The following AFTPH variants were observed in gnomAD, a reference collection of about 807,000 sequenced individuals.
AFTPH encodes the protein aftiphilin.
A neutral mutation model predicts 72.5 loss-of-function variants in AFTPH; 7 were observed. That is an observed-to-expected ratio of 0.10 (90% CI 0.05 to 0.18). The LOEUF (loss-of-function observed/expected upper bound fraction) is 0.18, where lower values mean the gene tolerates loss of function less well. Ranked by LOEUF, AFTPH falls within the 10% of genes least tolerant of loss-of-function variation. The pLI is 1.00. For missense variants in AFTPH, 979 were observed against 1,060.5 expected (o/e 0.92, Z 1.07); for synonymous variants, 337 against 370.1 (o/e 0.91, Z 1.03).
intron 1 of AFTPH, among the ~76,000 whole-genome samples, chr2:64,536,853 TGA>T: frequency 6.8e-6 from 1 of 148,148 alleles, no homozygotes; most frequent in East Asian, 2.0e-4. Flanking sequence ...TTTGGGTGGC[TGA>T]AGTGGGAGGA....
At chr2:64,565,404 G>A (rs1672008000) in intron 2 of AFTPH, among the ~76,000 whole-genome samples, 1 of 149,480 alleles carries the variant, frequency 6.7e-6, no homozygotes, top group South Asian at 2.1e-4. Context: ...GAACCTGGGA[G>A]GCAGAGCTTG....
At chr2:64,571,819 T>C (rs1385819619) in intron 5 of AFTPH, among the ~76,000 whole-genome samples, 1 of 152,240 alleles carries the variant, frequency 6.6e-6, no homozygotes, top group Non-Finnish European at 1.5e-5. Flanking sequence ...TTTTCAGGCC[T>C]AGATTATGGC....
Position 64,545,981 on chromosome 2 carries a change from C to G in AFTPH, c.-32-5462C>G, listed in dbSNP as rs953883703. Among the ~76,000 whole-genome samples, 5 of 152,136 alleles carry G rather than the reference C, an allele frequency of 3.3e-5. No individual in the cohort carries two copies. In the South Asian group the frequency reaches 1.0e-3, roughly 32 times the overall value. On this transcript the variant is annotated intron_variant, in intron 1 of 8. Coordinates refer to ENST00000238856, the Ensembl canonical transcript of AFTPH. ...GATCTCGTCTCACTGCAACCTCTGC[C>G]TCCCGGGTTCAAGCAATTCTCCTGC... is the stretch of plus-strand genomic sequence containing the variant.
exon 4 of AFTPH, chr2:64,569,176 C>T (rs376674777): frequency 1.2e-6 from 2 of 1,613,918 alleles, no homozygotes; most frequent in African/African-American, 2.7e-5. Flanking sequence ...CCCATAGCAA[C>T]AAGAAGCTTT....
chr2:64,558,591 G>A (rs1267434274), intron 2 of AFTPH, among the ~76,000 whole-genome samples: 2 of 152,144 alleles, frequency 1.3e-5, no homozygotes, highest in African/African-American at 2.4e-5. Context: ...AGGGATAAAC[G>A]TTTGCAAAGC....
chr2:64,585,164 A>G (rs982213156), intron 7 of AFTPH, among the ~76,000 whole-genome samples: 1 of 152,250 alleles, frequency 6.6e-6, no homozygotes. Context: ...TTTGGGTAGC[A>G]TCTGCTGCAT....
intron 8 of AFTPH, among the ~76,000 whole-genome samples, chr2:64,591,431 A>G (rs1230383826): frequency 6.6e-6 from 1 of 152,258 alleles, no homozygotes; most frequent in African/African-American, 2.4e-5. Context: ...CCTGAGGTTA[A>G]AATGACTTAG....
Position 64,553,702 on chromosome 2 carries a change from T to TA in AFTPH, c.1935+310dup, listed in dbSNP as rs5831703. Reference sequence around the variant, plus strand: ...TGGTGACTATAAATACCATATATGTTAAAAAAAAAAAAAAAAACCCACACT... The same window carrying TA: ...TGGTGACTATAAATACCATATATGTTAAAAAAAAAAAAAAAAAACCCACACT... On this transcript the variant is annotated intron_variant, in intron 2 of 8. Coordinates refer to ENST00000238856, the Ensembl canonical transcript of AFTPH. Among the ~76,000 whole-genome samples the TA allele has an allele frequency of 8.3e-3, 1,163 of 139,282 alleles. 16 individuals are homozygous for TA. Among genetic ancestry groups the TA allele is most frequent in the African/African-American group, 0.016 (632 of 38,430 alleles). The allele number at this position is 139,282 out of a possible 152,430, so 91.4% of individuals were successfully genotyped here. A position where few individuals can be genotyped will look rare whatever the true frequency, so the allele number is the denominator to read the frequency against.
intron 2 of AFTPH, 131 bp from the exon 3 acceptor site, chr2:64,567,431 G>A (rs1045884089): frequency 3.5e-6 from 3 of 865,166 alleles, no homozygotes; most frequent in African/African-American, 3.5e-5. Context: ...TTTTCACTCA[G>A]TGTTTTCTGA....
At chr2:64,530,356 C>G (rs950039111) in intron 1 of AFTPH, among the ~76,000 whole-genome samples, 5 of 152,186 alleles carry the variant, frequency 3.3e-5, no homozygotes, top group Non-Finnish European at 7.4e-5. Context: ...CCAGTTCACC[C>G]AAAAATGTCC....
intron 1 of AFTPH, among the ~76,000 whole-genome samples, chr2:64,548,107 A>G (rs1670763965): frequency 6.9e-6 from 1 of 145,660 alleles, no homozygotes; most frequent in African/African-American, 2.5e-5. Context: ...AAACTTTAGA[A>G]AAAGGGCCGG....
At chr2:64,573,174 A>AGGCCGGGCGCGGTGGCTC in intron 6 of AFTPH, 106 bp downstream of exon 6, 1 of 862,986 alleles carries the variant, frequency 1.2e-6, no homozygotes, top group East Asian at 2.5e-5. Flanking sequence ...AAATATTTGT[A>AGGCCGGGCGCGGTGGCTC]AAGCTTGATT....
At chr2:64,547,108 T>TAA (rs1242453647) in intron 1 of AFTPH, among the ~76,000 whole-genome samples, 4 of 152,174 alleles carry the variant, frequency 2.6e-5, no homozygotes, top group African/African-American at 9.7e-5. Context: ...TTAACCTTGA[T>TAA]ACATTGCTGC....
chr2:64,551,261 G>C (rs2103935953), intron 1 of AFTPH, among the ~76,000 whole-genome samples, 182 bp from the exon 2 acceptor site: 1 of 151,890 alleles, frequency 6.6e-6, no homozygotes, highest in South Asian at 2.1e-4. Context: ...TAAAGTAATT[G>C]CACCTAAGAG....
intron 2 of AFTPH, among the ~76,000 whole-genome samples, chr2:64,555,249 G>A (rs530798182): frequency 2.6e-5 from 4 of 152,116 alleles, no homozygotes; most frequent in African/African-American, 9.6e-5. Context: ...ACAAACTATA[G>A]ATGGGGCAAG....
At chr2:64,583,626 A>G (rs1673338836) in intron 7 of AFTPH, among the ~76,000 whole-genome samples, 1 of 152,186 alleles carries the variant, frequency 6.6e-6, no homozygotes, top group African/African-American at 2.4e-5. Context: ...TCTAGCCTTT[A>G]GAGAGGGAGG....
intron 2 of AFTPH, among the ~76,000 whole-genome samples, chr2:64,560,727 G>C (rs1477136113): frequency 6.6e-6 from 1 of 152,150 alleles, no homozygotes; most frequent in Non-Finnish European, 1.5e-5. Context: ...ACAAAAGTTA[G>C]CTAGGCATGG....
At chr2:64,553,677 T>G (rs577263718) in intron 2 of AFTPH, among the ~76,000 whole-genome samples, 3 of 149,328 alleles carry the variant, frequency 2.0e-5, no homozygotes, top group African/African-American at 7.5e-5. Context: ...TTGGATTTTT[T>G]GGTGACTATA....
At chr2:64,587,742 C>T (rs1673596822) in intron 8 of AFTPH, among the ~76,000 whole-genome samples, 1 of 152,232 alleles carries the variant, frequency 6.6e-6, no homozygotes, top group African/African-American at 2.4e-5. Context: ...TCTTTTGGAA[C>T]ACAAGTTGTG....
Sources: gnomAD v4.1 joint callset for allele counts (sites outside exome capture counted in the v4.1 genomes callset) on GRCh38, gnomAD v4.1.1 for gene constraint, MANE v1.5 for transcripts, NCBI Gene and HGNC (gene_info 2026-07-23, HGNC 2026-07-21) for gene names.